The following ELAVL2 variants were observed in gnomAD, a reference collection of about 807,000 sequenced individuals.
ELAVL2 encodes ELAV-like protein 2.
ELAVL2 carries 4 observed loss-of-function variants against 34.6 expected under a neutral mutation model. That is an observed-to-expected ratio of 0.12 (90% CI 0.06 to 0.26). The LOEUF (loss-of-function observed/expected upper bound fraction) is 0.26. Ranked by LOEUF, ELAVL2 falls within the 10% of genes least tolerant of loss-of-function variation. The pLI, the probability that ELAVL2 is intolerant of heterozygous loss-of-function variation, is 1.00. For missense variants in ELAVL2, 432 were observed against 442.8 expected, an observed-to-expected ratio of 0.98 and a Z score of 0.22; for synonymous variants, 193 against 154.8, an observed-to-expected ratio of 1.25 and a Z score of -1.83.
intron 1 of ELAVL2, chr9:23,821,934 C>G (rs1291676433): frequency 6.6e-6 from 1 of 151,394 alleles, no homozygotes; most frequent in Non-Finnish European, 1.5e-5. Context: ...CCGCCGCCGG[C>G]GCGTGCCCTG....
intron 2 of ELAVL2, among the ~76,000 whole-genome samples, chr9:23,752,488 T>TA (rs1329268731): frequency 2.6e-5 from 4 of 151,414 alleles, no homozygotes; most frequent in Non-Finnish European, 5.9e-5. Flanking sequence ...TTTTTTGAGA[T>TA]AGAGTCTCCC....
chr9:23,778,032 G>A (rs565637489), intron 1 of ELAVL2, among the ~76,000 whole-genome samples: 6 of 152,134 alleles, frequency 3.9e-5, no homozygotes, highest in Admixed American at 6.6e-5. Context: ...CTAAGGGCAT[G>A]GTGAACAAAA....
chr9:23,705,988 CT>C (rs2039214190), intron 3 of ELAVL2, among the ~76,000 whole-genome samples: 1 of 152,168 alleles, frequency 6.6e-6, no homozygotes, highest in African/African-American at 2.4e-5. Flanking sequence ...AAAATTCACC[CT>C]TATCAGTAAG....
At chr9:23,773,914 A>C (rs1189238617) in intron 1 of ELAVL2, among the ~76,000 whole-genome samples, 2 of 152,088 alleles carry the variant, frequency 1.3e-5, no homozygotes, top group Non-Finnish European at 2.9e-5. Context: ...GTTAGCATAG[A>C]AAATTTGCTT....
At position 23,775,476 on chromosome 9, in the gene ELAVL2, T is replaced by C. The variant is rs1045354611; in HGVS notation, c.-15-13227A>G. 3.3e-5 allele frequency among the ~76,000 whole-genome samples: 5 copies of C among 152,218 alleles called. 1 individual carries two copies. The highest frequency in any genetic ancestry group is 1.2e-4 in the African/African-American group (5 of 41,468). ...ACAAGTATTAAGTGAGAAACTGGGA[T>C]TTGAAATCAGTGCTGAGACCCCATC... On this transcript the variant is annotated intron_variant, in intron 1 of 6. Transcript: ENST00000397312.
At chr9:23,770,974 G>C (rs1303354226) in intron 1 of ELAVL2, among the ~76,000 whole-genome samples, 2 of 152,172 alleles carry the variant, frequency 1.3e-5, no homozygotes, top group Non-Finnish European at 2.9e-5. Context: ...GAGGTAATGA[G>C]GCCGGAACAC....
intron 2 of ELAVL2, among the ~76,000 whole-genome samples, chr9:23,760,917 C>T (rs747225816): frequency 3.3e-5 from 5 of 152,072 alleles, no homozygotes; most frequent in Admixed American, 2.0e-4. Context: ...TAACGATTAA[C>T]GGAATAGCTC....
chr9:23,764,635 AT>A (rs2055826280), intron 1 of ELAVL2, among the ~76,000 whole-genome samples: 1 of 152,178 alleles, frequency 6.6e-6, no homozygotes, highest in African/African-American at 2.4e-5. Flanking sequence ...AGAATTGTAA[AT>A]AACTTCAAAA....
chr9:23,821,984 G>A (rs898187626), intron 1 of ELAVL2: 1 of 151,598 alleles, frequency 6.6e-6, no homozygotes, highest in Non-Finnish European at 1.5e-5. Flanking sequence ...GGGAGATGCC[G>A]GGCTTCAGCA....
At chr9:23,754,693 C>A (rs945611951) in intron 2 of ELAVL2, among the ~76,000 whole-genome samples, 3 of 152,138 alleles carry the variant, frequency 2.0e-5, no homozygotes, top group Non-Finnish European at 4.4e-5. Flanking sequence ...GAATTCCTGA[C>A]CTCCGGTGAT....
chr9:23,790,283 T>C (rs773331241), intron 1 of ELAVL2, among the ~76,000 whole-genome samples: 2 of 152,112 alleles, frequency 1.3e-5, no homozygotes, highest in South Asian at 2.1e-4. Flanking sequence ...CAAAAATATA[T>C]GGAAATGCCT....
chr9:23,799,830 C>T lies in ELAVL2; in HGVS notation c.-16+25976G>A, dbSNP rs186460610. Among the ~76,000 whole-genome samples the T allele has an allele frequency of 1.5e-3, 221 of 152,278 alleles. 1 individual carries two copies. The highest frequency in any genetic ancestry group is 2.3e-3 in the Non-Finnish European group (158 of 68,016). On this transcript the variant is annotated intron_variant, in intron 1 of 6. Transcript: ENST00000397312. ...GAAAACCCTGAAAGGGCTCTATTTACCACTGAAAAGAAAAATCTTAAGCCC... is the reference window on the plus strand; with the variant it reads ...GAAAACCCTGAAAGGGCTCTATTTATCACTGAAAAGAAAAATCTTAAGCCC...
chr9:23,718,209 C>G (rs1416633935), intron 3 of ELAVL2, among the ~76,000 whole-genome samples: 1 of 152,206 alleles, frequency 6.6e-6, no homozygotes, highest in South Asian at 2.1e-4. Flanking sequence ...AAATTCCTAA[C>G]AAATAATCTT....
At chr9:23,729,271 T>C (rs2045973289) in intron 3 of ELAVL2, among the ~76,000 whole-genome samples, 1 of 152,156 alleles carries the variant, frequency 6.6e-6, no homozygotes. Context: ...TGACCACCTA[T>C]TCCATTTTCT....
At chr9:23,727,723 AC>A (rs1312425350) in intron 3 of ELAVL2, among the ~76,000 whole-genome samples, 20 of 152,098 alleles carry the variant, frequency 1.3e-4, no homozygotes, top group Admixed American at 1.3e-3. Flanking sequence ...AAGTTTGGGA[AC>A]AAATGCTTTA....
chr9:23,745,604 C>A (rs988718416), intron 2 of ELAVL2, among the ~76,000 whole-genome samples: 3 of 152,088 alleles, frequency 2.0e-5, no homozygotes, highest in African/African-American at 7.2e-5. Flanking sequence ...TCAAGGAGAA[C>A]CAAAGACTGT....
At chr9:23,771,650 T>C (rs1208344342) in intron 1 of ELAVL2, among the ~76,000 whole-genome samples, 2 of 152,124 alleles carry the variant, frequency 1.3e-5, no homozygotes, top group East Asian at 3.9e-4. Context: ...CTACTAAACA[T>C]AGTATATCAG....
intron 6 of ELAVL2, among the ~76,000 whole-genome samples, chr9:23,693,220 C>T (rs541204513): frequency 2.0e-5 from 3 of 152,228 alleles, no homozygotes; most frequent in South Asian, 2.1e-4. Context: ...GCTGTAACGT[C>T]GTAACGCAAT....
At chr9:23,784,737 T>C (rs1588479519) in intron 1 of ELAVL2, among the ~76,000 whole-genome samples, 1 of 152,118 alleles carries the variant, frequency 6.6e-6, no homozygotes, top group Admixed American at 6.5e-5. Context: ...GGTGCAGAGG[T>C]GGGGCACAAC....
Sources: gnomAD v4.1 joint callset for allele counts (sites outside exome capture counted in the v4.1 genomes callset) on GRCh38, gnomAD v4.1.1 for gene constraint, MANE v1.5 for transcripts, NCBI Gene and HGNC (gene_info 2026-07-23, HGNC 2026-07-21) for gene names.